Variants in VRK3 observed in about 807,000 individuals in gnomAD.
VRK3 encodes the protein serine/threonine-protein kinase VRK3.
VRK3 carries 50 observed loss-of-function variants against 60.4 expected under a neutral mutation model. The observed-to-expected ratio is 0.83, with a 90% CI of 0.66 to 1.05. VRK3 has a LOEUF of 1.05. Ranked by LOEUF, VRK3 falls within the 50% of genes least tolerant of loss-of-function variation. VRK3 has a pLI of 0.00. For synonymous variants in VRK3, 246 were observed against 227.8 expected (o/e 1.08, Z -0.72); for missense variants, 549 against 585.3 (o/e 0.94, Z 0.64).
intron 1 of VRK3, among the ~76,000 whole-genome samples, chr19:50,021,483 A>G (rs2077170181): frequency 6.6e-6 from 1 of 152,216 alleles, no homozygotes; most frequent in Non-Finnish European, 1.5e-5. Flanking sequence ...GCCCAGGCAG[A>G]GAAACCACAT....
At chr19:49,994,225 C>G (rs1331201861) in intron 9 of VRK3, among the ~76,000 whole-genome samples, 1 of 152,182 alleles carries the variant, frequency 6.6e-6, no homozygotes, top group Non-Finnish European at 1.5e-5. Flanking sequence ...ATTCAGAGCA[C>G]TTGTCATAGT....
chr19:50,016,068 A>C lies in VRK3; in HGVS notation c.95T>G (p.Val32Gly). The C allele has an allele frequency of 6.2e-7, 1 of 1,614,224 alleles. No homozygotes were observed. Among genetic ancestry groups the C allele is most frequent in the Non-Finnish European group, 8.5e-7 (1 of 1,180,030 alleles). ...TGGATTGACAAAGGTCTGGGACCCTACATGCTCCTCTACAGGCAAAGAATT... is the reference window on the plus strand; with the variant it reads ...TGGATTGACAAAGGTCTGGGACCCTCCATGCTCCTCTACAGGCAAAGAATT... ...CGNSLPVEEH[V>G]GSQTFVNPHV... Residue 32 changes from valine (V) to glycine (G), a missense_variant, in exon 3 of 15, where the codon GTA (valine) becomes GGA (glycine). Physicochemically the swap from Val to Gly is moderately radical, Grantham distance 109. Coordinates refer to ENST00000316763, the MANE Select transcript of VRK3 (RefSeq NM_016440.4).
intron 1 of VRK3, chr19:50,024,802 G>C (rs1356628915): frequency 6.6e-6 from 1 of 152,156 alleles, no homozygotes; most frequent in Non-Finnish European, 1.5e-5. Context: ...TAATTTATTT[G>C]ACTTATTCAA....
intron 12 of VRK3, among the ~76,000 whole-genome samples, chr19:49,984,101 A>C (rs1482744490): frequency 6.6e-6 from 1 of 152,184 alleles, no homozygotes; most frequent in African/African-American, 2.4e-5. Context: ...AAGTCTCTTT[A>C]GATGGGGGGA....
chr19:49,978,834 T>C, intron 14 of VRK3: 1 of 387,698 alleles, frequency 2.6e-6, no homozygotes, highest in Non-Finnish European at 4.6e-6. Context: ...CTCCCCCTTG[T>C]AATTTTCTAG....
intron 1 of VRK3, among the ~76,000 whole-genome samples, chr19:50,021,885 C>T (rs148400311): frequency 6.6e-6 from 1 of 152,228 alleles, no homozygotes; most frequent in African/African-American, 2.4e-5. Flanking sequence ...TCCCAATCAC[C>T]CTTTTCAAGG....
chr19:50,007,685 C>T lies in VRK3; in HGVS notation c.431G>A (p.Arg144Gln), dbSNP rs566983791. ...CAAAGCTTCAAGTGAGGTGGTCACT[C>T]GGCTCCGCTTCAGCGTCTGAGGGCT... ...RQSPQTLKRSRVTTSLEALPT... is the reference protein window; with the variant it reads ...RQSPQTLKRSQVTTSLEALPT... The change falls in exon 5 of 15, where the codon CGA becomes CAA. Residue 144 changes from arginine (R) to glutamine (Q), a missense_variant. Arg to Gln is a conservative substitution (Grantham distance 43). Transcript: ENST00000316763. The T allele has an allele frequency of 1.5e-5, 24 of 1,614,166 alleles. No individual in the cohort carries two copies. In the East Asian group the frequency reaches 1.6e-4, roughly 10 times the overall value.
At chr19:49,988,614 C>T (rs2076558719) in intron 11 of VRK3, 122 bp from the exon 12 acceptor site, 2 of 1,340,972 alleles carry the variant, frequency 1.5e-6, no homozygotes, top group Non-Finnish European at 2.0e-6. Context: ...CCCAGCCTTC[C>T]AGCCATATGG....
rs1247321901 is a variant in VRK3 at position 50,000,734 on chromosome 19, T to C, written c.612+56A>G. On this transcript the variant is annotated intron_variant, in intron 6 of 14. Transcript: ENST00000316763. ...GACAGACGGGCTCAGAAGTCAAGGA[T>C]GTGTTTGTGAAAGTCCCTCCCCTCC... 29 of 1,546,548 alleles carry C rather than the reference T, an allele frequency of 1.9e-5. No individual in the cohort carries two copies. In the Admixed American group the frequency reaches 5.3e-4, roughly 28 times the overall value.
intron 12 of VRK3, chr19:49,987,756 GCAGTGGTGCAA>G (rs1331941970): frequency 6.8e-6 from 1 of 146,360 alleles, no homozygotes; most frequent in Non-Finnish European, 1.5e-5. Flanking sequence ...AGGCTGGAGT[GCAGTGGTGCAA>G]TCTTGGCTCA....
chr19:50,017,175 G>C (rs115732142), intron 2 of VRK3, among the ~76,000 whole-genome samples: 7,938 of 151,684 alleles, frequency 0.052, 667 homozygotes, highest in African/African-American at 0.18. Flanking sequence ...GCCTGGACAA[G>C]AAGAGTGAAA....
intron 6 of VRK3, 175 bp from the exon 7 acceptor site, chr19:49,997,745 C>T (rs981050406): frequency 3.4e-5 from 20 of 590,402 alleles, no homozygotes; most frequent in South Asian, 2.7e-4. Context: ...CTGCGAGCTA[C>T]CTTGCTGTAC....
intron 1 of VRK3, among the ~76,000 whole-genome samples, chr19:50,023,789 T>C (rs576838119): frequency 7.2e-5 from 11 of 152,246 alleles, no homozygotes; most frequent in African/African-American, 2.6e-4. Flanking sequence ...CAGGCAAATC[T>C]AGACATCCAG....
intron 12 of VRK3, chr19:49,981,265 G>A (rs2076417127): frequency 1.9e-6 from 1 of 523,850 alleles, no homozygotes; most frequent in Non-Finnish European, 3.4e-6. Context: ...ACCTTGTTTT[G>A]GCCGGGCACA....
At chr19:49,987,705 T>TC (rs916690240) in intron 12 of VRK3, 2 of 149,252 alleles carry the variant, frequency 1.3e-5, no homozygotes, top group Non-Finnish European at 3.0e-5. Context: ...ATGAGCTTTT[T>TC]TTTTTTTTTT....
At position 49,978,929 on chromosome 19, in the gene VRK3, T is replaced by C. The variant is rs543824653; in HGVS notation, c.*11+154A>G. 8.2e-5 allele frequency: 60 copies of C among 734,820 alleles called. 1 individual carries two copies. In the South Asian group the frequency reaches 1.4e-3, roughly 18 times the overall value. 45.5% of individuals were successfully genotyped at this position (734,820 alleles called of 1,614,324 possible). A position where few individuals can be genotyped will look rare whatever the true frequency, so the allele number is the denominator to read the frequency against. Reference sequence around the variant, plus strand: ...CTTGCCATTCCTTGAGGCTGGGAAGTTCAAGGACCGTGCGGAAAAACCCAG... The same window carrying C: ...CTTGCCATTCCTTGAGGCTGGGAAGCTCAAGGACCGTGCGGAAAAACCCAG... On this transcript the variant is annotated intron_variant, in intron 14 of 14. Transcript: ENST00000316763.
chr19:49,990,949 T>C (rs529285397), intron 10 of VRK3, among the ~76,000 whole-genome samples: 1 of 151,964 alleles, frequency 6.6e-6, no homozygotes, highest in East Asian at 1.9e-4. Context: ...TACACCTGGA[T>C]AGGTTATTAT....
intron 14 of VRK3, among the ~76,000 whole-genome samples, chr19:49,978,214 G>A (rs1194989535): frequency 6.6e-6 from 1 of 152,140 alleles, no homozygotes; most frequent in East Asian, 1.9e-4. Context: ...ACAACCAAGT[G>A]TCTCCAGACA....
intron 3 of VRK3, among the ~76,000 whole-genome samples, chr19:50,010,193 CTCT>C (rs2076972453): frequency 6.6e-6 from 1 of 152,156 alleles, no homozygotes; most frequent in Non-Finnish European, 1.5e-5. Flanking sequence ...TTGGTTCCTT[CTCT>C]TATTTGCCTG....
Sources: allele counts gnomAD v4.1 joint callset (sites outside exome capture counted in the v4.1 genomes callset), GRCh38; gene constraint gnomAD v4.1.1; transcripts MANE v1.5; gene names NCBI Gene and HGNC (gene_info 2026-07-23, HGNC 2026-07-21).